Variants in ROBO1 observed in about 807,000 individuals in gnomAD.
ROBO1 encodes the protein roundabout guidance receptor 1.
A neutral mutation model predicts 195.9 loss-of-function variants in ROBO1; 149 were observed. The observed-to-expected ratio is 0.76, with a 90% CI of 0.67 to 0.87. The LOEUF is 0.87. Among genes scored for constraint, ROBO1 ranks in the 40% least tolerant of loss-of-function variants. ROBO1 has a pLI of 0.00. For missense variants in ROBO1, 1,933 were observed against 2,068.3 expected, an observed-to-expected ratio of 0.93 and a Z score of 1.27; for synonymous variants, 816 against 733.2, an observed-to-expected ratio of 1.11 and a Z score of -1.82.
intron 2 of ROBO1, among the ~76,000 whole-genome samples, chr3:79,383,189 A>G (rs2036628930): frequency 6.6e-6 from 1 of 152,110 alleles, no homozygotes. Flanking sequence ...TGCAAGATCA[A>G]TGCCACACAA....
intron 3 of ROBO1, among the ~76,000 whole-genome samples, chr3:79,120,918 A>C (rs1330520108): frequency 6.6e-6 from 1 of 152,148 alleles, no homozygotes; most frequent in Non-Finnish European, 1.5e-5. Flanking sequence ...TTAACTATAT[A>C]ATGTTTAATA....
intron 4 of ROBO1, among the ~76,000 whole-genome samples, chr3:78,918,047 A>G (rs2038724461): frequency 6.6e-6 from 1 of 152,246 alleles, no homozygotes; most frequent in African/African-American, 2.4e-5. Flanking sequence ...AAAGGCTTTC[A>G]GTACATATTA....
chr3:79,535,721 C>T (rs562358597), intron 2 of ROBO1, among the ~76,000 whole-genome samples: 2 of 152,154 alleles, frequency 1.3e-5, no homozygotes, highest in East Asian at 3.9e-4. Flanking sequence ...CCTGCCATTT[C>T]TTACATGAAT....
At chr3:78,964,268 T>G (rs1204072941) in intron 3 of ROBO1, among the ~76,000 whole-genome samples, 1 of 152,144 alleles carries the variant, frequency 6.6e-6, no homozygotes, top group Non-Finnish European at 1.5e-5. Flanking sequence ...CTTCAGATAA[T>G]GTCACATTCA....
At chr3:79,465,256 G>C (rs936032863) in intron 2 of ROBO1, among the ~76,000 whole-genome samples, 3 of 152,150 alleles carry the variant, frequency 2.0e-5, no homozygotes, top group African/African-American at 7.2e-5. Context: ...TTAATAGTCT[G>C]TTTTAACGGT....
At chr3:79,273,466 G>A (rs1377970861) in intron 2 of ROBO1, among the ~76,000 whole-genome samples, 2 of 152,012 alleles carry the variant, frequency 1.3e-5, no homozygotes, top group Admixed American at 1.3e-4. Flanking sequence ...GTTGTAAGAT[G>A]TTATTTGCAA....
chr3:79,183,110 G>T (rs376413477), intron 2 of ROBO1, among the ~76,000 whole-genome samples: 1 of 145,730 alleles, frequency 6.9e-6, no homozygotes, highest in Non-Finnish European at 1.5e-5. Flanking sequence ...TACATAGAGA[G>T]AAATTAATTC....
At chr3:79,381,107 C>T (rs2036551718) in intron 2 of ROBO1, among the ~76,000 whole-genome samples, 1 of 151,936 alleles carries the variant, frequency 6.6e-6, no homozygotes, top group Non-Finnish European at 1.5e-5. Context: ...GCCCGTAATC[C>T]CAGCACGTTG....
intron 10 of ROBO1, among the ~76,000 whole-genome samples, chr3:78,675,263 T>A (rs1708339335): frequency 6.6e-6 from 1 of 152,002 alleles, no homozygotes; most frequent in African/African-American, 2.4e-5. Context: ...GATTTCTGCA[T>A]TTCTATCTGA....
At chr3:78,915,418 C>T (rs1400419506) in intron 4 of ROBO1, among the ~76,000 whole-genome samples, 3 of 152,100 alleles carry the variant, frequency 2.0e-5, no homozygotes, top group African/African-American at 7.2e-5. Flanking sequence ...ACTTCATAAT[C>T]CTCCATTTTT....
At chr3:79,080,611 C>A (rs1015630359) in intron 3 of ROBO1, among the ~76,000 whole-genome samples, 1 of 151,920 alleles carries the variant, frequency 6.6e-6, no homozygotes, top group African/African-American at 2.4e-5. Flanking sequence ...ACAGTATTTG[C>A]ATAAAGCATT....
In ROBO1 at chr3:79,338,170, T is replaced by G. The variant is rs143345432; in HGVS notation, c.89-212631A>C. On this transcript the variant is annotated intron_variant, in intron 2 of 30. Transcript: ENST00000464233. ...TGCTTGCTGTTGTTTATTGTTAACT[T>G]TGGAATTTGATTAAATAATCTTATA... Among the ~76,000 whole-genome samples, 1,369 of 152,332 alleles carry G rather than the reference T, an allele frequency of 9.0e-3. 18 individuals carry two copies. Among genetic ancestry groups the G allele is most frequent in the African/African-American group, 0.031 (1,295 of 41,572 alleles).
chr3:79,364,236 G>GTA lies in ROBO1; in HGVS notation c.88+225586_88+225587dup, dbSNP rs752125262. Reference sequence around the variant, plus strand: ...AACGAAACTATATAAATGTGTGTGTGTATATATATATATATACATATATAT... The same window carrying GTA: ...AACGAAACTATATAAATGTGTGTGTGTATATATATATATATATACATATATAT... On this transcript the variant is annotated intron_variant, in intron 2 of 30. Transcript: ENST00000464233. Among the ~76,000 whole-genome samples the GTA allele has an allele frequency of 8.9e-3, 1,302 of 146,820 alleles. 20 individuals are homozygous for GTA. Among genetic ancestry groups the GTA allele is most frequent in the Admixed American group, 0.028 (413 of 14,572 alleles).
intron 1 of ROBO1, among the ~76,000 whole-genome samples, chr3:79,757,683 T>G (rs1704480965): frequency 6.6e-6 from 1 of 152,006 alleles, no homozygotes; most frequent in African/African-American, 2.4e-5. Context: ...TATCTCTAAA[T>G]AATAACTATA....
chr3:78,888,791 A>T (rs1465230452), intron 4 of ROBO1, among the ~76,000 whole-genome samples: 3 of 152,176 alleles, frequency 2.0e-5, no homozygotes, highest in Non-Finnish European at 2.9e-5. Context: ...ACCTCCAAAA[A>T]TACTAAAAAC....
chr3:78,733,377 T>G (rs1315654537), intron 5 of ROBO1, among the ~76,000 whole-genome samples: 2 of 152,078 alleles, frequency 1.3e-5, no homozygotes, highest in Non-Finnish European at 2.9e-5. Context: ...TAAAATCAAA[T>G]GCCCTTTTGA....
intron 3 of ROBO1, among the ~76,000 whole-genome samples, chr3:78,941,703 A>G (rs2040153975): frequency 6.6e-6 from 1 of 152,206 alleles, no homozygotes; most frequent in Non-Finnish European, 1.5e-5. Flanking sequence ...GCACAGCTAC[A>G]GGAGTATGTG....
chr3:79,085,584 G>A (rs1576655840), intron 3 of ROBO1, among the ~76,000 whole-genome samples: 1 of 152,128 alleles, frequency 6.6e-6, no homozygotes, highest in African/African-American at 2.4e-5. Context: ...AAGTGCTGCT[G>A]TACATAAGAG....
intron 14 of ROBO1, among the ~76,000 whole-genome samples, chr3:78,664,432 T>C (rs972135220): frequency 2.0e-5 from 3 of 152,158 alleles, no homozygotes; most frequent in African/African-American, 7.2e-5. Flanking sequence ...GGGTGAGGAA[T>C]CATAGTAACT....
Sources: gnomAD v4.1 joint callset for allele counts (sites outside exome capture counted in the v4.1 genomes callset) on GRCh38, gnomAD v4.1.1 for gene constraint, MANE v1.5 for transcripts, NCBI Gene and HGNC (gene_info 2026-07-23, HGNC 2026-07-21) for gene names.